AXDND1: variants seen among roughly 807,000 people sequenced by gnomAD.
AXDND1 encodes the protein axonemal dynein light chain domain-containing protein 1.
A neutral mutation model predicts 137.5 loss-of-function variants in AXDND1; 110 were observed. That is an observed-to-expected ratio of 0.80 (90% confidence interval 0.69 to 0.94). The LOEUF (loss-of-function observed/expected upper bound fraction) is 0.94, where lower values mean the gene tolerates loss of function less well. AXDND1 is among the 40% of genes least tolerant of loss of function. The pLI, the probability that AXDND1 is intolerant of heterozygous loss-of-function variation, is 0.00. For missense variants in AXDND1, 1,191 were observed against 1,169.8 expected (o/e 1.02, Z -0.26); for synonymous variants, 414 against 399.7 (o/e 1.04, Z -0.43).
At chr1:179,499,103 A>T (rs140794507) in intron 20 of AXDND1, among the ~76,000 whole-genome samples, 16 of 152,260 alleles carry the variant, frequency 1.1e-4, no homozygotes, top group African/African-American at 3.8e-4. Flanking sequence ...AAAATAAATC[A>T]TTCTACCAAA....
intron 4 of AXDND1, among the ~76,000 whole-genome samples, chr1:179,377,250 T>C (rs555564749): frequency 6.6e-6 from 1 of 152,364 alleles, no homozygotes; most frequent in African/African-American, 2.4e-5. Context: ...GTAATATTTC[T>C]GTATTGTCAT....
At position 179,382,682 on chromosome 1, in the gene AXDND1, C is replaced by G. The variant is rs1456100465; in HGVS notation, c.582-18C>G. The stretch of plus-strand genomic sequence containing the variant: ...AAAATTTTCTTAAAATAACATTTAC[C>G]TATCTTATTTATTGTAGCAAATACA... On this transcript the variant is annotated intron_variant, in intron 6 of 25. Transcript: ENST00000367618. 2 of 1,572,884 alleles carry G rather than the reference C, an allele frequency of 1.3e-6. No individual in the cohort carries two copies. Among genetic ancestry groups the G allele is most frequent in the Non-Finnish European group, 1.7e-6 (2 of 1,146,096 alleles).
chr1:179,518,302 A>C (rs898657407), intron 21 of AXDND1, among the ~76,000 whole-genome samples: 1 of 151,586 alleles, frequency 6.6e-6, no homozygotes, highest in Admixed American at 6.6e-5. Flanking sequence ...TTGATTTTCT[A>C]TTCTTTTCTA....
chr1:179,494,302 T>G (rs1185191183), intron 20 of AXDND1, among the ~76,000 whole-genome samples: 4 of 152,098 alleles, frequency 2.6e-5, no homozygotes, highest in African/African-American at 9.7e-5. Context: ...AGTAGTGGGA[T>G]GTTATTGTGG....
At chr1:179,449,051 A>G in intron 16 of AXDND1, 1 of 415,700 alleles carries the variant, frequency 2.4e-6, no homozygotes, top group South Asian at 1.7e-5. Flanking sequence ...ACTGTTGACT[A>G]ATTTTTTTAT....
chr1:179,455,593 C>CAA (rs57868830), intron 16 of AXDND1: 5,246 of 83,116 alleles, frequency 0.063, 215 homozygotes, highest in Admixed American at 0.088. Context: ...GACTCCGTCT[C>CAA]AAAAAAAAAA....
intron 18 of AXDND1, among the ~76,000 whole-genome samples, chr1:179,486,119 C>CAAAAAAAAAAAAAAAAAAAA (rs1173009992): frequency 4.4e-5 from 1 of 22,664 alleles, no homozygotes; most frequent in Non-Finnish European, 9.6e-5. Flanking sequence ...AACTCTGTCT[C>CAAAAAAAAAAAAAAAAAAAA]AAAAAAAAAA....
intron 15 of AXDND1, among the ~76,000 whole-genome samples, chr1:179,440,776 A>G (rs937932191): frequency 5.3e-5 from 8 of 152,246 alleles, no homozygotes; most frequent in Admixed American, 2.0e-4. Flanking sequence ...CTTAAAAATA[A>G]ATTCAGCAGT....
chr1:179,448,815 A>G (rs1571877836), intron 16 of AXDND1: 1 of 162,034 alleles, frequency 6.2e-6, no homozygotes, highest in East Asian at 1.9e-4. Context: ...TAAAGTCATG[A>G]AGATTTACGT....
At chr1:179,451,822 G>A (rs2125398797) in intron 16 of AXDND1, 1 of 152,874 alleles carries the variant, frequency 6.5e-6, no homozygotes, top group African/African-American at 2.4e-5. Flanking sequence ...CCAGCCGCAT[G>A]GAACTATAAG....
chr1:179,468,570 G>C lies in AXDND1; in HGVS notation c.1926G>C (p.Met642Ile), dbSNP rs1451770872. The change falls in exon 17 of 26, where the codon ATG (methionine) becomes ATC (isoleucine). Residue 642 changes from methionine (M) to isoleucine (I), a missense_variant. Transcript: ENST00000367618. ...WQEIDEKINE[M>I]KSHLDILLNL... ...AAATAGATGAAAAAATTAATGAAAT[G>C]AAATCACACTTGGATATATTGTTAA... The C allele has an allele frequency of 2.5e-6, 4 of 1,612,790 alleles. No homozygotes were observed. The highest frequency in any genetic ancestry group is 3.4e-6 in the Non-Finnish European group (4 of 1,179,618).
chr1:179,396,255 A>T (rs1651043640), intron 11 of AXDND1, among the ~76,000 whole-genome samples: 1 of 152,018 alleles, frequency 6.6e-6, no homozygotes, highest in South Asian at 2.1e-4. Flanking sequence ...ATATATCTCC[A>T]TTCTGCTTCT....
chr1:179,374,136 A>AAAAC (rs1458092202), intron 4 of AXDND1, among the ~76,000 whole-genome samples: 12 of 152,058 alleles, frequency 7.9e-5, no homozygotes, highest in Non-Finnish European at 1.8e-4. Context: ...TTACAAGAAA[A>AAAAC]AAACAACCCC....
chr1:179,434,266 C>A (rs1046075545), intron 15 of AXDND1, among the ~76,000 whole-genome samples: 3 of 152,070 alleles, frequency 2.0e-5, no homozygotes, highest in African/African-American at 7.2e-5. Flanking sequence ...CAAATTCTAC[C>A]AGAGGTACAA....
chr1:179,525,808 T>TATATATATAC lies in AXDND1; in HGVS notation c.2610+362_2610+363insTATATATACA, dbSNP rs149749029. Among the ~76,000 whole-genome samples, 744 of 151,474 alleles carry TATATATATAC rather than the reference T, an allele frequency of 4.9e-3. 7 individuals carry two copies. Among genetic ancestry groups the TATATATATAC allele is most frequent in the Non-Finnish European group, 6.7e-3 (453 of 67,898 alleles). On this transcript the variant is annotated intron_variant, in intron 22 of 25. Coordinates refer to ENST00000367618, the MANE Select transcript of AXDND1 (RefSeq NM_144696.6). ...CATGCTTGGACCATATATATATATA[T>TATATATATAC]ACACAGACATATATAGTGGGGGGAA...
At chr1:179,537,656 T>G (rs1671686659) in intron 25 of AXDND1, among the ~76,000 whole-genome samples, 1 of 152,200 alleles carries the variant, frequency 6.6e-6, no homozygotes, top group African/African-American at 2.4e-5. Context: ...AAAATTCTCT[T>G]TTTTTATTGT....
chr1:179,534,039 A>G (rs758486641), intron 24 of AXDND1, among the ~76,000 whole-genome samples, 162 bp downstream of exon 24: 17 of 152,176 alleles, frequency 1.1e-4, no homozygotes, highest in Admixed American at 5.9e-4. Context: ...AGTAAACTAC[A>G]CTGCCCTGGT....
At chr1:179,511,858 C>T (rs1329434371) in intron 21 of AXDND1, among the ~76,000 whole-genome samples, 1 of 151,968 alleles carries the variant, frequency 6.6e-6, no homozygotes, top group Non-Finnish European at 1.5e-5. Flanking sequence ...ATTTGTGTCT[C>T]TTCTTTTGAT....
Position 179,486,139 on chromosome 1 carries a change from A to AAAAAAAAAAAAAAACT in AXDND1, c.2091+2920_2091+2921insAAAAAAAAAAAACTAA. 2.4e-3 allele frequency among the ~76,000 whole-genome samples: 214 copies of AAAAAAAAAAAAAAACT among 87,640 alleles called. 7 individuals carry two copies. The highest frequency in any genetic ancestry group is 8.3e-3 in the Middle Eastern group (1 of 120). 57.5% of individuals were successfully genotyped at this position (87,640 alleles called of 152,430 possible). The stretch of plus-strand genomic sequence containing the variant: ...TGTCTCAAAAAAAAAAAAAAAAAAA[A>AAAAAAAAAAAAAAACT]AACCTGATAGAAATGAAAAACACAC... On this transcript the variant is annotated intron_variant, in intron 18 of 25. Transcript: ENST00000367618.
Sources: allele counts gnomAD v4.1 joint callset (sites outside exome capture counted in the v4.1 genomes callset), GRCh38; gene constraint gnomAD v4.1.1; transcripts MANE v1.5; gene names NCBI Gene and HGNC (gene_info 2026-07-23, HGNC 2026-07-21).